DST: variants seen among roughly 807,000 people sequenced by gnomAD.
DST encodes dystonin, also known as bullous pemphigoid antigen.
Under a neutral mutation model 875.2 loss-of-function variants are expected in DST, and 253 were observed. The observed-to-expected ratio is 0.29, with a 90% confidence interval of 0.26 to 0.32. DST has a LOEUF of 0.32. Ranked by LOEUF, DST falls within the 10% of genes least tolerant of loss-of-function variation. The pLI is 1.00. For missense variants in DST, 8,287 were observed against 9,111.6 expected (o/e 0.91, Z 3.68); for synonymous variants, 3,124 against 3,197.1 (o/e 0.98, Z 0.77).
At position 56,517,185 on chromosome 6, in the gene DST, GAC is replaced by G. The variant is rs2096611442; in HGVS notation, c.18357+11_18357+12del. 1 of 1,597,584 alleles carries G rather than the reference GAC, an allele frequency of 6.3e-7. No individual in the cohort carries two copies. Among genetic ancestry groups the G allele is most frequent in the Admixed American group, 1.7e-5 (1 of 59,948 alleles). On this transcript the variant is annotated intron_variant, in intron 71 of 103. Coordinates refer to ENST00000680361, the MANE Select transcript of DST (RefSeq NM_001374736.1). Reference sequence around the variant, plus strand: ...TCAAGAGTCCCACTACCAGTCCACAGACAAGATTATACCTTCATTGATTGCTT... The same window carrying G: ...TCAAGAGTCCCACTACCAGTCCACAGAAGATTATACCTTCATTGATTGCTT...
At chr6:56,693,802 A>T (rs1416137234) in intron 9 of DST, among the ~76,000 whole-genome samples, 1 of 152,146 alleles carries the variant, frequency 6.6e-6, no homozygotes, top group Non-Finnish European at 1.5e-5. Context: ...GTCATAAAAA[A>T]TAATAAGCTG....
chr6:56,899,225 C>A (rs1410443703), intron 3 of DST, among the ~76,000 whole-genome samples: 1 of 152,224 alleles, frequency 6.6e-6, no homozygotes, highest in Non-Finnish European at 1.5e-5. Flanking sequence ...TTATTTTCTA[C>A]ATAAAATGCA....
intron 5 of DST, among the ~76,000 whole-genome samples, chr6:56,729,530 C>A (rs909560448): frequency 1.3e-5 from 2 of 148,924 alleles, no homozygotes; most frequent in African/African-American, 2.5e-5. Context: ...GCGGAGATTG[C>A]GGGGAGGCAG....
rs577132192 is a variant in DST at position 56,465,945 on chromosome 6, T to C, written c.22687+133A>G. ...ACTGCCACAGGTTCTTTGGGAACTT[T>C]AGGCTGACAGACCAATGTGAAACAT... On this transcript the variant is annotated intron_variant, in intron 99 of 103. Coordinates refer to ENST00000680361, the MANE Select transcript of DST (RefSeq NM_001374736.1). 1.6e-5 allele frequency: 9 copies of C among 559,290 alleles called. No homozygotes were observed. In the South Asian group the frequency reaches 1.7e-4, roughly 11 times the overall value. 34.6% of individuals were successfully genotyped at this position (559,290 alleles called of 1,614,324 possible).
chr6:56,627,230 C>A lies in DST; in HGVS notation c.4696G>T (p.Ala1566Ser). Reference sequence around the variant, plus strand: ...TTCACTGTAGCTGAGTACTGTTCTGCATATTTTTGACACTCGTCCATTTTG... The same window carrying A: ...TTCACTGTAGCTGAGTACTGTTCTGAATATTTTTGACACTCGTCCATTTTG... ...QSKMDECQKY[A>S]EQYSATVKDY... Residue 1566 changes from alanine to serine, a missense_variant, in exon 34 of 104, where the codon GCA becomes TCA. Ala to Ser is a moderately conservative substitution (Grantham distance 99). Transcript: ENST00000680361. 6.2e-7 allele frequency: 1 copy of A among 1,612,522 alleles called. No individual in the cohort carries two copies. Among genetic ancestry groups the A allele is most frequent in the Non-Finnish European group, 8.5e-7 (1 of 1,179,126 alleles).
At chr6:56,720,330 C>A (rs1487717118) in intron 5 of DST, among the ~76,000 whole-genome samples, 22 of 149,942 alleles carry the variant, frequency 1.5e-4, no homozygotes, top group African/African-American at 4.9e-4. Context: ...ATTCCCTGAA[C>A]AATTGCTGTT....
chr6:56,629,511 C>A, intron 31 of DST, 68 bp from the exon 32 acceptor site: 6 of 1,179,556 alleles, frequency 5.1e-6, no homozygotes, highest in South Asian at 2.7e-5. Flanking sequence ...TATTATTTAC[C>A]TAATTTTACA....
At chr6:56,785,283 C>T (rs544905793) in intron 4 of DST, among the ~76,000 whole-genome samples, 1 of 152,354 alleles carries the variant, frequency 6.6e-6, no homozygotes, top group African/African-American at 2.4e-5. Context: ...GAGGTTACTG[C>T]TGTCTTTTTG....
At chr6:56,841,705 T>C (rs981130530) in intron 4 of DST, among the ~76,000 whole-genome samples, 1 of 152,224 alleles carries the variant, frequency 6.6e-6, no homozygotes, top group Admixed American at 6.5e-5. Flanking sequence ...AGAGCACAGA[T>C]GTATTTCTTC....
chr6:56,670,879 CCAAG>C (rs2099097652), intron 9 of DST, 72 bp from the exon 10 acceptor site: 2 of 988,218 alleles, frequency 2.0e-6, no homozygotes, highest in Admixed American at 3.4e-5. Context: ...CTACTATGTG[CCAAG>C]CACTTTCCAA....
chr6:56,576,193 G>A (rs552215654), intron 50 of DST, among the ~76,000 whole-genome samples: 1 of 152,252 alleles, frequency 6.6e-6, no homozygotes, highest in East Asian at 1.9e-4. Context: ...CCCATAGAGG[G>A]CACAGAAATT....
At chr6:56,688,818 T>A (rs991981866) in intron 9 of DST, among the ~76,000 whole-genome samples, 1 of 152,160 alleles carries the variant, frequency 6.6e-6, no homozygotes, top group Admixed American at 6.5e-5. Context: ...TTTACTTATC[T>A]CTGAGTGCCT....
In DST at chr6:56,900,560, A is replaced by C; in HGVS notation, c.278T>G (p.Leu93Arg). Reference sequence around the variant, plus strand: ...TTCCACCACGGGCTTCACTTCTTCCAGACGGGCAGCTGCGGCCGCTGCAAC... The same window carrying C: ...TTCCACCACGGGCTTCACTTCTTCCCGACGGGCAGCTGCGGCCGCTGCAAC... ...RRVAAAAAAR[L>R]EEVKPVVEVH... Residue 93 changes from leucine (L) to arginine (R), a missense_variant, in exon 3 of 104, where the codon CTG (leucine) becomes CGG (arginine). Physicochemically the swap from Leu to Arg is moderately radical, Grantham distance 102. This residue lies in a region of DST where 1,160 missense variants were observed against 1,424.3 expected (regional missense o/e 0.81). Transcript: ENST00000680361. The C allele has an allele frequency of 7.3e-7, 1 of 1,367,626 alleles. No individual in the cohort carries two copies. Among genetic ancestry groups the C allele is most frequent in the South Asian group, 1.1e-5 (1 of 88,040 alleles). The allele number at this position is 1,367,626 out of a possible 1,614,324, so 84.7% of individuals were successfully genotyped here.
intron 2 of DST, among the ~76,000 whole-genome samples, chr6:56,943,430 C>CTTTTTT (rs1408845257): frequency 6.6e-5 from 9 of 135,992 alleles, no homozygotes; most frequent in East Asian, 2.2e-4. Flanking sequence ...TTTTCTTTTT[C>CTTTTTT]TTTTTTTTTT....
At chr6:56,632,761 A>C in intron 28 of DST, 93 bp downstream of exon 28, 1 of 1,009,688 alleles carries the variant, frequency 9.9e-7, no homozygotes, top group East Asian at 2.5e-5. Flanking sequence ...TGGGTGATAC[A>C]ATATACCTAA....
Position 56,597,992 on chromosome 6 carries a change from C to T in DST, c.11943G>A (p.Lys3981=). The T allele has an allele frequency of 6.3e-7, 1 of 1,594,890 alleles. No individual in the cohort carries two copies. Among genetic ancestry groups the T allele is most frequent in the East Asian group, 2.2e-5 (1 of 44,630 alleles). ...TTTTGGTTTTGCTCTCTTCCAGCTGCTTCACTGCTGCTACCTGGGAAGGGA... is the reference window on the plus strand; with the variant it reads ...TTTTGGTTTTGCTCTCTTCCAGCTGTTTCACTGCTGCTACCTGGGAAGGGA... ...KEETEKVAAV[K]QLEESKTKIE... Residue 3981 remains lysine (K), a synonymous_variant, in exon 47 of 104, where the codon AAG becomes AAA. Coordinates refer to ENST00000680361, the MANE Select transcript of DST (RefSeq NM_001374736.1).
chr6:56,609,414 G>C, intron 39 of DST, 70 bp from the exon 40 acceptor site: 1 of 1,115,762 alleles, frequency 9.0e-7, no homozygotes. Flanking sequence ...ATGCAACTTA[G>C]GTTTTTTAAA....
chr6:56,712,165 G>A (rs2099369398), intron 5 of DST, among the ~76,000 whole-genome samples: 1 of 151,300 alleles, frequency 6.6e-6, no homozygotes, highest in African/African-American at 2.4e-5. Flanking sequence ...CTGTCTGTTT[G>A]GCAGGAGAAT....
chr6:56,592,833 G>C (rs1262802577), intron 48 of DST, among the ~76,000 whole-genome samples: 1 of 151,768 alleles, frequency 6.6e-6, no homozygotes, highest in African/African-American at 2.4e-5. Flanking sequence ...ATGCAACTTG[G>C]CAAGTCTGTT....
Sources: allele counts gnomAD v4.1 joint callset (sites outside exome capture counted in the v4.1 genomes callset), GRCh38; gene constraint gnomAD v4.1.1; regional missense constraint gnomAD v4.1.1; transcripts MANE v1.5; gene names NCBI Gene and HGNC (gene_info 2026-07-23, HGNC 2026-07-21).